Variants in LRRC4C observed in about 807,000 individuals in gnomAD.
LRRC4C encodes leucine-rich repeat-containing protein 4C.
Under a neutral mutation model 33.6 loss-of-function variants are expected in LRRC4C, and 5 were observed. The ratio of observed to expected loss-of-function variants is 0.15; its 90% CI spans 0.08 to 0.31. LRRC4C has a LOEUF of 0.31. Ranked by LOEUF, LRRC4C falls within the 10% of genes least tolerant of loss-of-function variation. LRRC4C has a pLI of 1.00. For missense variants in LRRC4C, 560 were observed against 796.7 expected (o/e 0.70, Z 3.58); for synonymous variants, 329 against 302.0 (o/e 1.09, Z -0.93).
intron 3 of LRRC4C, among the ~76,000 whole-genome samples, chr11:40,642,021 C>CT (rs35297791): frequency 0.37 from 52,195 of 140,146 alleles, 10,338 homozygotes; most frequent in East Asian, 0.55. Context: ...CCACAGGCTG[C>CT]TTTTTTTTTT....
At chr11:40,300,366 G>A (rs2167662) in intron 4 of LRRC4C, among the ~76,000 whole-genome samples, 134,692 of 152,240 alleles carry the variant, frequency 0.88, 60,076 homozygotes, top group Middle Eastern at 0.98. Flanking sequence ...GTTGATGATT[G>A]CAGAATTGCC....
intron 1 of LRRC4C, among the ~76,000 whole-genome samples, chr11:41,353,499 G>A (rs980569845): frequency 6.6e-6 from 1 of 152,066 alleles, no homozygotes; most frequent in Admixed American, 6.6e-5. Flanking sequence ...CAAGGAAGGG[G>A]GACTACTCCC....
At chr11:40,623,799 C>G (rs981529764) in intron 3 of LRRC4C, among the ~76,000 whole-genome samples, 3 of 152,010 alleles carry the variant, frequency 2.0e-5, no homozygotes, top group Non-Finnish European at 4.4e-5. Flanking sequence ...AATGCATTTC[C>G]TTAAGCGATT....
rs528232659 is a variant in LRRC4C at position 40,680,067 on chromosome 11, A to T, written c.-406-31789T>A. On this transcript the variant is annotated intron_variant, in intron 2 of 6. Coordinates refer to ENST00000528697, the MANE Select transcript of LRRC4C (RefSeq NM_001258419.2). The stretch of plus-strand genomic sequence containing the variant: ...GGAACCCACCTCTTGTATCAGTGTG[A>T]TCTGTTTATGAGACGTGGAATCAAA... Among the ~76,000 whole-genome samples the T allele has an allele frequency of 4.6e-5, 7 of 152,236 alleles. No homozygotes were observed. The South Asian group carries it at 1.5e-3, about 32-fold the overall frequency.
intron 2 of LRRC4C, among the ~76,000 whole-genome samples, chr11:40,889,448 TTTTCTC>T (rs1955607643): frequency 2.0e-5 from 3 of 152,132 alleles, no homozygotes; most frequent in Non-Finnish European, 4.4e-5. Flanking sequence ...TGATTTTTTC[TTTTCTC>T]ATGTATATTT....
At chr11:40,982,494 C>T (rs1210604350) in intron 1 of LRRC4C, among the ~76,000 whole-genome samples, 2 of 152,172 alleles carry the variant, frequency 1.3e-5, no homozygotes, top group East Asian at 1.9e-4. Context: ...GGTTTAAATA[C>T]TATAATATGC....
chr11:40,434,858 G>A (rs1222679342), intron 3 of LRRC4C, among the ~76,000 whole-genome samples: 2 of 152,138 alleles, frequency 1.3e-5, no homozygotes, highest in South Asian at 2.1e-4. Flanking sequence ...TTTCAAGAAG[G>A]GAATATAAAA....
At position 41,416,762 on chromosome 11, in the gene LRRC4C, T is replaced by G. The variant is rs181023091; in HGVS notation, c.-496+42669A>C. ...TTTAGAAAGTGTAAATATTATAATA[T>G]CTACCTAACTACTTCATAGCGCTGC... On this transcript the variant is annotated intron_variant, in intron 1 of 6. Coordinates refer to ENST00000528697, the MANE Select transcript of LRRC4C (RefSeq NM_001258419.2). 3.3e-5 allele frequency among the ~76,000 whole-genome samples: 5 copies of G among 152,150 alleles called. No individual in the cohort carries two copies. The East Asian group carries it at 9.7e-4, about 29-fold the overall frequency.
chr11:40,600,972 C>G (rs531120197), intron 3 of LRRC4C, among the ~76,000 whole-genome samples: 2 of 152,156 alleles, frequency 1.3e-5, no homozygotes, highest in East Asian at 3.9e-4. Context: ...AGATTTTTAC[C>G]ACTCCAACCT....
In LRRC4C at chr11:40,719,393, G is replaced by A. The variant is rs567208056; in HGVS notation, c.-406-71115C>T. On this transcript the variant is annotated intron_variant, in intron 2 of 6. Transcript: ENST00000528697. ...AAGTCAACTAAAAAAGGGAGTTAAA[G>A]TTAGAAAAGTGACCAGAAAAAAATT... Among the ~76,000 whole-genome samples, 100 of 152,132 alleles carry A rather than the reference G, an allele frequency of 6.6e-4. 1 individual carries two copies. Among genetic ancestry groups the A allele is most frequent in the Non-Finnish European group, 1.2e-3 (80 of 68,004 alleles).
intron 3 of LRRC4C, among the ~76,000 whole-genome samples, chr11:40,404,775 C>T (rs533131164): frequency 8.2e-4 from 125 of 152,090 alleles, no homozygotes; most frequent in Non-Finnish European, 1.4e-3. Context: ...ATAGTTCAGA[C>T]TCCATATCAT....
chr11:40,466,516 A>G (rs1486467931), intron 3 of LRRC4C, among the ~76,000 whole-genome samples: 1 of 151,936 alleles, frequency 6.6e-6, no homozygotes, highest in Non-Finnish European at 1.5e-5. Context: ...AATACCTACC[A>G]TTTTTCAGAC....
At chr11:40,518,597 A>G (rs1955670590) in intron 3 of LRRC4C, among the ~76,000 whole-genome samples, 1 of 152,192 alleles carries the variant, frequency 6.6e-6, no homozygotes, top group Non-Finnish European at 1.5e-5. Flanking sequence ...AAATGTCAGG[A>G]AACAACAGAT....
chr11:41,397,519 C>A (rs1163151583), intron 1 of LRRC4C, among the ~76,000 whole-genome samples: 1 of 151,242 alleles, frequency 6.6e-6, no homozygotes, highest in Non-Finnish European at 1.5e-5. Context: ...TGTTAATCAA[C>A]TGTTGGGTGT....
intron 6 of LRRC4C, among the ~76,000 whole-genome samples, chr11:40,138,993 C>T (rs58299603): frequency 1.1e-3 from 163 of 152,294 alleles, no homozygotes; most frequent in African/African-American, 3.8e-3. Context: ...TGAAGAAAAA[C>T]ATTTCCAGCT....
chr11:40,322,823 C>T (rs934639503), intron 3 of LRRC4C, among the ~76,000 whole-genome samples: 2 of 152,072 alleles, frequency 1.3e-5, no homozygotes, highest in Admixed American at 6.6e-5. Flanking sequence ...CCAGAGTAAG[C>T]ATATACATAG....
chr11:40,237,556 G>A (rs1037840245), intron 5 of LRRC4C, among the ~76,000 whole-genome samples: 1 of 152,150 alleles, frequency 6.6e-6, no homozygotes, highest in Non-Finnish European at 1.5e-5. Context: ...AAAGTGTTTG[G>A]TATACGTTGG....
intron 2 of LRRC4C, among the ~76,000 whole-genome samples, chr11:40,697,314 T>G (rs1423842082): frequency 2.0e-5 from 3 of 152,082 alleles, no homozygotes; most frequent in Non-Finnish European, 4.4e-5. Context: ...GAACTGGATC[T>G]TAGGGAGTAA....
intron 3 of LRRC4C, among the ~76,000 whole-genome samples, chr11:40,395,747 G>A (rs1242246669): frequency 6.6e-6 from 1 of 152,116 alleles, no homozygotes; most frequent in Non-Finnish European, 1.5e-5. Flanking sequence ...TACACTTTGG[G>A]AGGCTGAGGC....
Sources: gnomAD v4.1 joint callset for allele counts (sites outside exome capture counted in the v4.1 genomes callset) on GRCh38, gnomAD v4.1.1 for gene constraint, MANE v1.5 for transcripts, NCBI Gene and HGNC (gene_info 2026-07-23, HGNC 2026-07-21) for gene names.